GPHN: variants seen among roughly 807,000 people sequenced by gnomAD.
GPHN encodes the protein gephyrin.
A neutral mutation model predicts 95.5 loss-of-function variants in GPHN; 17 were observed. The ratio of observed to expected loss-of-function variants is 0.18; its 90% CI spans 0.12 to 0.27. The LOEUF (loss-of-function observed/expected upper bound fraction) is 0.27, where lower values mean the gene tolerates loss of function less well. Among genes scored for constraint, GPHN ranks in the 10% least tolerant of loss-of-function variants. The pLI is 1.00. For synonymous variants in GPHN, 320 were observed against 322.5 expected (o/e 0.99, Z 0.08); for missense variants, 660 against 978.1 (o/e 0.67, Z 4.34).
intron 9 of GPHN, among the ~76,000 whole-genome samples, chr14:66,965,860 G>A (rs2069287363): frequency 6.9e-6 from 1 of 145,224 alleles, no homozygotes; most frequent in South Asian, 2.2e-4. Context: ...CCTTTGGGAA[G>A]AGGGTAGAAG....
the GPHN span, chr14:67,685,014 C>T: frequency 6.2e-7 from 1 of 1,605,798 alleles, no homozygotes; most frequent in Non-Finnish European, 8.5e-7. Flanking sequence ...AACATTCATA[C>T]CTGAAATGAT....
chr14:67,494,686 T>A, the GPHN span, among the ~76,000 whole-genome samples: 1 of 152,196 alleles, frequency 6.6e-6, no homozygotes, highest in Non-Finnish European at 1.5e-5. Flanking sequence ...CGGTGATGGC[T>A]GGCTGTGGTG....
chr14:67,121,931 G>GA (rs1206013829), intron 16 of GPHN, among the ~76,000 whole-genome samples: 1 of 152,072 alleles, frequency 6.6e-6, no homozygotes, highest in African/African-American at 2.4e-5. Context: ...AATATTGGGA[G>GA]AAAAAAAGAT....
At chr14:66,586,554 C>T (rs1253540780) in intron 1 of GPHN, among the ~76,000 whole-genome samples, 8 of 152,160 alleles carry the variant, frequency 5.3e-5, no homozygotes, top group African/African-American at 1.9e-4. Context: ...TTTAGTGCTT[C>T]CTTCAGGAGC....
the GPHN span, among the ~76,000 whole-genome samples, chr14:67,667,315 T>A: frequency 9.2e-5 from 14 of 152,318 alleles, no homozygotes; most frequent in East Asian, 2.5e-3. Flanking sequence ...CTCATAAATA[T>A]GTGGTTACTT....
chr14:67,459,366 C>A, the GPHN span, among the ~76,000 whole-genome samples: 23 of 152,290 alleles, frequency 1.5e-4, 1 homozygote, highest in South Asian at 4.8e-3. Flanking sequence ...TCACCCTAAC[C>A]ATTAGAGTCT....
intron 21 of GPHN, among the ~76,000 whole-genome samples, chr14:67,174,469 C>T (rs2082799049): frequency 6.6e-6 from 1 of 152,156 alleles, no homozygotes; most frequent in African/African-American, 2.4e-5. Context: ...TTTTCTTTAT[C>T]CAGTCTATTA....
chr14:67,516,729 T>C, the GPHN span, among the ~76,000 whole-genome samples: 3 of 152,166 alleles, frequency 2.0e-5, no homozygotes, highest in African/African-American at 7.2e-5. Flanking sequence ...GAGTAGGAAA[T>C]ATGGACAAGG....
At chr14:67,391,045 G>A in the GPHN span, among the ~76,000 whole-genome samples, 3 of 152,198 alleles carry the variant, frequency 2.0e-5, no homozygotes, top group Non-Finnish European at 4.4e-5. Flanking sequence ...AAGGAGGACA[G>A]GGAGGCAGCA....
chr14:67,662,111 G>T, the GPHN span, among the ~76,000 whole-genome samples: 13 of 151,596 alleles, frequency 8.6e-5, no homozygotes. Context: ...AGCCGAGACT[G>T]TGCCACTGCA....
At chr14:67,076,684 T>A (rs1357575442) in intron 11 of GPHN, among the ~76,000 whole-genome samples, 1 of 152,214 alleles carries the variant, frequency 6.6e-6, no homozygotes, top group Non-Finnish European at 1.5e-5. Context: ...TGTATAATGG[T>A]GGCTTTTAAA....
chr14:67,008,449 G>A (rs756171921), intron 9 of GPHN, among the ~76,000 whole-genome samples: 40 of 149,740 alleles, frequency 2.7e-4, no homozygotes, highest in Non-Finnish European at 4.6e-4. Context: ...GTGAGACACC[G>A]TCTCAAAAAA....
chr14:67,363,610 C>T, the GPHN span, among the ~76,000 whole-genome samples: 2 of 152,064 alleles, frequency 1.3e-5, no homozygotes, highest in African/African-American at 4.8e-5. Flanking sequence ...GAACAAGTAA[C>T]TTAACCTGTG....
At chr14:66,830,681 G>A (rs1473785918) in intron 4 of GPHN, among the ~76,000 whole-genome samples, 1 of 152,046 alleles carries the variant, frequency 6.6e-6, no homozygotes, top group Non-Finnish European at 1.5e-5. Context: ...CCTCTTTCAA[G>A]AGGGAAAATA....
the GPHN span, among the ~76,000 whole-genome samples, chr14:67,323,232 C>CGTGTGTGTGTGTGTGTGTGTGTGTGT: frequency 7.0e-6 from 1 of 143,592 alleles, no homozygotes; most frequent in African/African-American, 2.6e-5. Flanking sequence ...CATATATACA[C>CGTGTGTGTGTGTGTGTGTGTGTGTGT]GTGTGTGTGT....
chr14:66,559,999 C>A (rs965497971), intron 1 of GPHN, among the ~76,000 whole-genome samples: 1 of 152,166 alleles, frequency 6.6e-6, no homozygotes, highest in East Asian at 1.9e-4. Flanking sequence ...AATAGGGAAT[C>A]CTTTCCCCAT....
intron 2 of GPHN, among the ~76,000 whole-genome samples, chr14:66,734,971 A>G (rs1421138927): frequency 6.6e-6 from 1 of 152,218 alleles, no homozygotes; most frequent in Non-Finnish European, 1.5e-5. Flanking sequence ...TGTGTTAGGC[A>G]AGCTGTCTAG....
At chr14:67,316,491 A>C in the GPHN span, among the ~76,000 whole-genome samples, 5,249 of 152,276 alleles carry the variant, frequency 0.034, 113 homozygotes, top group East Asian at 0.06. Flanking sequence ...ATTTGAGATA[A>C]TTCTAAAGGA....
chr14:66,801,056 C>A (rs1043276858), intron 3 of GPHN, among the ~76,000 whole-genome samples: 1 of 152,066 alleles, frequency 6.6e-6, no homozygotes, highest in Non-Finnish European at 1.5e-5. Flanking sequence ...TTACTTAATT[C>A]TCTTTGTTAA....
Sources: allele counts gnomAD v4.1 joint callset (sites outside exome capture counted in the v4.1 genomes callset), GRCh38; gene constraint gnomAD v4.1.1; transcripts MANE v1.5; gene names NCBI Gene and HGNC (gene_info 2026-07-23, HGNC 2026-07-21).